Variants in NPLOC4 observed in about 807,000 individuals in gnomAD.
The protein encoded by NPLOC4 is nuclear protein localization protein 4 homolog.
NPLOC4 carries 18 observed loss-of-function variants against 80.6 expected under a neutral mutation model. The observed-to-expected ratio is 0.22, with a 90% confidence interval of 0.15 to 0.33. The LOEUF (loss-of-function observed/expected upper bound fraction) is 0.33. NPLOC4 is among the 10% of genes least tolerant of loss of function. The pLI is 1.00. For missense variants in NPLOC4, 540 were observed against 786.1 expected (o/e 0.69, Z 3.74); for synonymous variants, 313 against 301.5 (o/e 1.04, Z -0.39).
At chr17:81,599,689 A>G (rs1029326603) in intron 9 of NPLOC4, among the ~76,000 whole-genome samples, 3 of 152,228 alleles carry the variant, frequency 2.0e-5, no homozygotes, top group African/African-American at 7.2e-5. Flanking sequence ...GTTCAAATTC[A>G]TGGCTCTACA....
At chr17:81,592,873 A>C (rs2034787279) in intron 11 of NPLOC4, among the ~76,000 whole-genome samples, 2 of 152,356 alleles carry the variant, frequency 1.3e-5, no homozygotes, top group South Asian at 4.1e-4. Flanking sequence ...AATCCCAGCT[A>C]CTTGGGAGAC....
intron 12 of NPLOC4, among the ~76,000 whole-genome samples, chr17:81,579,998 G>A (rs1333090573): frequency 6.6e-6 from 1 of 152,084 alleles, no homozygotes; most frequent in Non-Finnish European, 1.5e-5. Flanking sequence ...TGAAGGCAAA[G>A]CCTCCTCTCC....
chr17:81,600,977 C>G (rs1385177875), intron 8 of NPLOC4, among the ~76,000 whole-genome samples: 1 of 152,186 alleles, frequency 6.6e-6, no homozygotes, highest in African/African-American at 2.4e-5. Context: ...CTCACCAACC[C>G]TAAGGAAGGG....
intron 16 of NPLOC4, 53 bp from the exon 17 acceptor site, chr17:81,559,469 G>GCCA: frequency 6.5e-7 from 1 of 1,544,382 alleles, no homozygotes; most frequent in East Asian, 2.4e-5. Flanking sequence ...ACCAGAGACT[G>GCCA]CCAGAGTGTG....
intron 3 of NPLOC4, among the ~76,000 whole-genome samples, chr17:81,619,476 G>T (rs529733008): frequency 1.3e-5 from 2 of 151,804 alleles, no homozygotes; most frequent in Non-Finnish European, 2.9e-5. Flanking sequence ...TTGAACCCGG[G>T]GGGGCAGAGG....
intron 1 of NPLOC4, among the ~76,000 whole-genome samples, chr17:81,635,394 G>C (rs961904718): frequency 6.9e-6 from 1 of 145,212 alleles, no homozygotes; most frequent in African/African-American, 2.5e-5. Flanking sequence ...CGTTTCCTAA[G>C]TTTCTCCTGG....
intron 2 of NPLOC4, among the ~76,000 whole-genome samples, chr17:81,625,905 T>G (rs1280139259): frequency 6.6e-6 from 1 of 151,798 alleles, no homozygotes; most frequent in Admixed American, 6.6e-5. Flanking sequence ...TCCCAACACT[T>G]TGGGAGGCCG....
intron 3 of NPLOC4, among the ~76,000 whole-genome samples, chr17:81,620,870 A>AATTTATTT (rs1169720449): frequency 1.2e-4 from 19 of 152,010 alleles, no homozygotes; most frequent in Non-Finnish European, 2.6e-4. Flanking sequence ...ATTACCAGCT[A>AATTTATTT]GATTTGATTT....
chr17:81,569,167 C>T, intron 13 of NPLOC4, 56 bp from the exon 14 acceptor site: 2 of 1,192,738 alleles, frequency 1.7e-6, no homozygotes, highest in Non-Finnish European at 2.5e-6. Context: ...GTGTGGCCGA[C>T]TCCCAGCCAG....
chr17:81,606,555 G>T, intron 7 of NPLOC4, 136 bp downstream of exon 7: 2 of 906,976 alleles, frequency 2.2e-6, no homozygotes, highest in Non-Finnish European at 1.6e-6. Context: ...TTCCACAAAA[G>T]GATCATTCAG....
At chr17:81,565,456 T>C in intron 16 of NPLOC4, 49 bp downstream of exon 16, 1 of 1,447,854 alleles carries the variant, frequency 6.9e-7, no homozygotes, top group East Asian at 2.5e-5. Flanking sequence ...AGTGGGCTGC[T>C]CTCCGGCCCC....
At chr17:81,601,326 T>C (rs1445573427) in intron 8 of NPLOC4, among the ~76,000 whole-genome samples, 3 of 152,238 alleles carry the variant, frequency 2.0e-5, no homozygotes, top group Admixed American at 6.5e-5. Flanking sequence ...AGGTCATTAA[T>C]ACCTCCAGAA....
intron 8 of NPLOC4, among the ~76,000 whole-genome samples, chr17:81,602,634 G>A (rs956313207): frequency 2.0e-5 from 3 of 151,588 alleles, no homozygotes; most frequent in Non-Finnish European, 2.9e-5. Context: ...CCCGGAAGGC[G>A]GAGGTTGAAG....
chr17:81,587,674 G>GTT (rs34643456), intron 12 of NPLOC4, among the ~76,000 whole-genome samples: 1,931 of 93,388 alleles, frequency 0.021, 114 homozygotes, highest in African/African-American at 0.027. Flanking sequence ...GAAAAAAGTT[G>GTT]TTTTTTTTTT....
intron 12 of NPLOC4, among the ~76,000 whole-genome samples, chr17:81,578,445 T>C (rs1387857112): frequency 2.6e-5 from 4 of 152,140 alleles, no homozygotes; most frequent in Non-Finnish European, 5.9e-5. Context: ...CACGGGAAGC[T>C]CTCAACAGAT....
At chr17:81,604,327 C>T (rs1009338076) in intron 8 of NPLOC4, among the ~76,000 whole-genome samples, 3 of 151,962 alleles carry the variant, frequency 2.0e-5, no homozygotes, top group Admixed American at 6.6e-5. Context: ...GCAAATGTAC[C>T]GGTTGTGTAA....
chr17:81,594,529 C>A lies in NPLOC4; in HGVS notation c.1120+1587G>T, dbSNP rs900302387. On this transcript the variant is annotated intron_variant, in intron 11 of 16. Coordinates refer to ENST00000331134, the MANE Select transcript of NPLOC4 (RefSeq NM_017921.4). Reference sequence around the variant, plus strand: ...CAGTGGCTCACGCCTGTCATCCCAGCACTTGGGAGGCCGAGGTGGGCGGAT... The same window carrying A: ...CAGTGGCTCACGCCTGTCATCCCAGAACTTGGGAGGCCGAGGTGGGCGGAT... Among the ~76,000 whole-genome samples, 153 of 152,096 alleles carry A rather than the reference C, an allele frequency of 1.0e-3. 1 individual carries two copies. Among genetic ancestry groups the A allele is most frequent in the Non-Finnish European group, 1.6e-4 (11 of 67,974 alleles).
At chr17:81,624,818 G>A (rs2035756667) in intron 2 of NPLOC4, among the ~76,000 whole-genome samples, 1 of 152,240 alleles carries the variant, frequency 6.6e-6, no homozygotes, top group African/African-American at 2.4e-5. Context: ...AAAGGCCACA[G>A]GGAGTAGGAG....
chr17:81,563,657 T>TATA (rs1240394695), intron 16 of NPLOC4: 1 of 262,596 alleles, frequency 3.8e-6, no homozygotes, highest in Non-Finnish European at 7.6e-6. Context: ...GGCTCCCAGG[T>TATA]ATAATCTCAG....
Sources: allele counts gnomAD v4.1 joint callset (sites outside exome capture counted in the v4.1 genomes callset), GRCh38; gene constraint gnomAD v4.1.1; transcripts MANE v1.5; gene names NCBI Gene and HGNC (gene_info 2026-07-23, HGNC 2026-07-21).